CHN2: variants seen among roughly 807,000 people sequenced by gnomAD.
The protein encoded by CHN2 is chimerin 2, also known as beta-chimaerin.
Under a neutral mutation model 56.3 loss-of-function variants are expected in CHN2, and 35 were observed. That is an observed-to-expected ratio of 0.62 (90% CI 0.47 to 0.82). The LOEUF is 0.82. Ranked by LOEUF, CHN2 falls within the 40% of genes least tolerant of loss-of-function variation. The pLI, the probability that CHN2 is intolerant of heterozygous loss-of-function variation, is 0.00. For synonymous variants in CHN2, 210 were observed against 212.8 expected, an observed-to-expected ratio of 0.99 and a Z score of 0.12; for missense variants, 491 against 580.5, an observed-to-expected ratio of 0.85 and a Z score of 1.58.
At chr7:29,166,875 A>G (rs1479775942) in intron 2 of CHN2, among the ~76,000 whole-genome samples, 1 of 152,038 alleles carries the variant, frequency 6.6e-6, no homozygotes, top group Non-Finnish European at 1.5e-5. Context: ...TTTGAAACAT[A>G]TTTATAATAG....
At chr7:29,242,944 G>T (rs245961) in intron 1 of CHN2, among the ~76,000 whole-genome samples, 1 of 150,940 alleles carries the variant, frequency 6.6e-6, no homozygotes, top group Admixed American at 6.6e-5. Flanking sequence ...ATATTTTCAC[G>T]TGCAGGGAAA....
chr7:29,264,106 G>A (rs1163455850), intron 1 of CHN2, among the ~76,000 whole-genome samples: 2 of 145,070 alleles, frequency 1.4e-5, no homozygotes, highest in Non-Finnish European at 3.0e-5. Context: ...TGGCTGCCCC[G>A]TCTGGGAAGT....
intron 1 of CHN2, among the ~76,000 whole-genome samples, chr7:29,318,127 T>C (rs186243021): frequency 1.1e-3 from 171 of 152,328 alleles, no homozygotes; most frequent in African/African-American, 3.9e-3. Flanking sequence ...AAAGAGAATA[T>C]GTCTAGCCTT....
intron 1 of CHN2, among the ~76,000 whole-genome samples, chr7:29,270,492 TAAAAA>T (rs869244337): frequency 1.9e-5 from 2 of 105,396 alleles, no homozygotes; most frequent in Non-Finnish European, 3.7e-5. Context: ...CCATCTCTAC[TAAAAA>T]AAAAAAAAAA....
At chr7:29,359,695 C>G (rs1358179013) in intron 2 of CHN2, among the ~76,000 whole-genome samples, 4 of 152,194 alleles carry the variant, frequency 2.6e-5, no homozygotes, top group African/African-American at 9.6e-5. Context: ...ACTGAGAAAG[C>G]TTTGGTTTCA....
intron 6 of CHN2, among the ~76,000 whole-genome samples, chr7:29,430,306 T>G (rs1189476539): frequency 6.6e-6 from 1 of 152,142 alleles, no homozygotes; most frequent in Non-Finnish European, 1.5e-5. Context: ...GGTCAACAAG[T>G]GCACAGGAAG....
chr7:29,355,466 C>T (rs1370821083), intron 2 of CHN2, among the ~76,000 whole-genome samples: 2 of 152,124 alleles, frequency 1.3e-5, no homozygotes, highest in African/African-American at 2.4e-5. Context: ...ATCAGTTACC[C>T]ACCTAGCTCC....
chr7:29,445,074 C>T, intron 6 of CHN2: 1 of 454,180 alleles, frequency 2.2e-6, no homozygotes, highest in South Asian at 1.6e-5. Context: ...CTGTTGGTCC[C>T]AGCTGGTATG....
chr7:29,417,328 T>C (rs1340707371), intron 6 of CHN2, among the ~76,000 whole-genome samples: 1 of 135,948 alleles, frequency 7.4e-6, no homozygotes, highest in African/African-American at 2.7e-5. Flanking sequence ...TTTTTTACTG[T>C]AACCCTTTTT....
intron 6 of CHN2, among the ~76,000 whole-genome samples, chr7:29,415,560 A>G (rs1362532975): frequency 6.6e-6 from 1 of 152,200 alleles, no homozygotes; most frequent in East Asian, 1.9e-4. Flanking sequence ...GGAAGGGAGT[A>G]GTTGGGCCAG....
intron 11 of CHN2, 44 bp downstream of exon 11, chr7:29,507,409 G>C: frequency 6.9e-7 from 1 of 1,445,234 alleles, no homozygotes; most frequent in East Asian, 2.3e-5. Context: ...AAATTTTTAA[G>C]TACAGTGCTT....
intron 1 of CHN2, among the ~76,000 whole-genome samples, chr7:29,304,934 C>T (rs915725688): frequency 1.3e-5 from 2 of 152,214 alleles, no homozygotes; most frequent in Non-Finnish European, 2.9e-5. Flanking sequence ...TAGGGGATGA[C>T]TGAGTATCTA....
intron 1 of CHN2, among the ~76,000 whole-genome samples, chr7:29,246,333 T>C (rs945983356): frequency 1.3e-5 from 2 of 152,122 alleles, no homozygotes; most frequent in African/African-American, 2.4e-5. Flanking sequence ...TGGGCACTGA[T>C]GTGGAGTGGA....
At chr7:29,511,148 AAAC>A (rs1791310364) in intron 12 of CHN2, among the ~76,000 whole-genome samples, 1 of 152,284 alleles carries the variant, frequency 6.6e-6, no homozygotes, top group Admixed American at 6.5e-5. Flanking sequence ...GAAAAGAAGC[AAAC>A]GGAGGACTGT....
At chr7:29,146,905 C>T in exon 2 of CHN2, 1 of 1,551,250 alleles carries the variant, frequency 6.4e-7, no homozygotes, top group Non-Finnish European at 8.7e-7. Flanking sequence ...TTGATTCCCA[C>T]TGTTTAAAAA....
intron 1 of CHN2, among the ~76,000 whole-genome samples, chr7:29,310,086 C>G (rs890381748): frequency 1.3e-5 from 2 of 152,188 alleles, no homozygotes; most frequent in Non-Finnish European, 2.9e-5. Context: ...GTACAATAAA[C>G]TACATTTAAC....
At chr7:29,175,285 C>T (rs1797154799) in intron 2 of CHN2, among the ~76,000 whole-genome samples, 1 of 151,972 alleles carries the variant, frequency 6.6e-6, no homozygotes, top group Admixed American at 6.5e-5. Flanking sequence ...AGTGATTCTC[C>T]TGCCTCAGCC....
chr7:29,177,676 ATCTG>A (rs1797540764), intron 2 of CHN2, among the ~76,000 whole-genome samples: 1 of 149,554 alleles, frequency 6.7e-6, no homozygotes. Flanking sequence ...CTATTTATCT[ATCTG>A]TCCATCCATC....
chr7:29,213,277 C>G, intron 1 of CHN2: 2 of 825,028 alleles, frequency 2.4e-6, no homozygotes, highest in Non-Finnish European at 4.2e-6. Context: ...CTTCCTCTCC[C>G]CTCCTCCCCT....
Sources: allele counts gnomAD v4.1 joint callset (sites outside exome capture counted in the v4.1 genomes callset), GRCh38; gene constraint gnomAD v4.1.1; transcripts MANE v1.5; gene names NCBI Gene and HGNC (gene_info 2026-07-23, HGNC 2026-07-21).